RPS6KB1: variants seen among roughly 807,000 people sequenced by gnomAD.
RPS6KB1 encodes ribosomal protein S6 kinase beta-1.
RPS6KB1 carries 12 observed loss-of-function variants against 70.2 expected under a neutral mutation model. The observed-to-expected ratio is 0.17, with a 90% CI of 0.11 to 0.28. The LOEUF (loss-of-function observed/expected upper bound fraction) is 0.28. Ranked by LOEUF, RPS6KB1 falls within the 10% of genes least tolerant of loss-of-function variation. The probability of loss-of-function intolerance (pLI) is 1.00; values close to 1 mark genes in which losing one functional copy is unlikely to be tolerated. For missense variants in RPS6KB1, 270 were observed against 646.6 expected (o/e 0.42, Z 6.32); for synonymous variants, 175 against 211.2 (o/e 0.83, Z 1.49).
At chr17:59,900,221 CA>C (rs1568377471) in intron 1 of RPS6KB1, among the ~76,000 whole-genome samples, 120 of 139,552 alleles carry the variant, frequency 8.6e-4, no homozygotes, top group South Asian at 5.7e-3. Flanking sequence ...CACACACACA[CA>C]CACACACACC....
chr17:59,915,309 G>T (rs796346676), intron 4 of RPS6KB1, among the ~76,000 whole-genome samples: 2 of 151,838 alleles, frequency 1.3e-5, no homozygotes, highest in African/African-American at 4.8e-5. Flanking sequence ...TTCTAACACA[G>T]TTGCAATACT....
In RPS6KB1 at chr17:59,928,654, C is replaced by G. The variant is rs1157502148; in HGVS notation, c.530-1463C>G. ...TGTGAGCCATTGCACCCAGCCTATT[C>G]AGTGTATATTTTCTAAAATCAAGGA... On this transcript the variant is annotated intron_variant, in intron 5 of 14. Transcript: ENST00000225577. 2.0e-5 allele frequency among the ~76,000 whole-genome samples: 3 copies of G among 152,066 alleles called. No homozygotes were observed. The East Asian group carries it at 5.8e-4, about 29-fold the overall frequency.
chr17:59,893,749 G>T lies in RPS6KB1; in HGVS notation c.141+424G>T, dbSNP rs752919108. The stretch of plus-strand genomic sequence containing the variant: ...TAGAATTTCAAGTATTGAATCTTCA[G>T]ACCTCCCACAACCACCTCTCTTCTC... On this transcript the variant is annotated intron_variant, in intron 1 of 14. Transcript: ENST00000225577. This position sits in a 1 kb window ranked among gnomAD's most constrained non-coding sequence, Gnocchi z 4.1. 7 of 994,458 alleles carry T rather than the reference G, an allele frequency of 7.0e-6. No individual in the cohort carries two copies. Among genetic ancestry groups the T allele is most frequent in the Non-Finnish European group, 8.4e-6 (7 of 834,494 alleles). The allele number at this position is 994,458 out of a possible 1,614,324, so 61.6% of individuals were successfully genotyped here.
At chr17:59,917,991 T>TGGCGCAATCTTGGCTC (rs2043054410) in intron 4 of RPS6KB1, among the ~76,000 whole-genome samples, 1 of 152,218 alleles carries the variant, frequency 6.6e-6, no homozygotes, top group Admixed American at 6.5e-5. Context: ...TGGAGTGCAA[T>TGGCGCAATCTTGGCTC]GGCGCAATCT....
At position 59,934,309 on chromosome 17, in the gene RPS6KB1, A is replaced by C; in HGVS notation, c.779+49A>C. On this transcript the variant is annotated intron_variant, in intron 8 of 14. Coordinates refer to ENST00000225577, the MANE Select transcript of RPS6KB1 (RefSeq NM_003161.4). This position sits in a 1 kb window ranked among gnomAD's most constrained non-coding sequence, Gnocchi z 4.8. Reference sequence around the variant, plus strand: ...TGGTTTGGGGGTAATAGCTAATTTTACCTGTTTTAAGGAATAGTATCTGTT... The same window carrying C: ...TGGTTTGGGGGTAATAGCTAATTTTCCCTGTTTTAAGGAATAGTATCTGTT... 6.8e-7 allele frequency: 1 copy of C among 1,478,896 alleles called. No individual in the cohort carries two copies. The highest frequency in any genetic ancestry group is 9.5e-7 in the Non-Finnish European group (1 of 1,057,262). 91.6% of individuals were successfully genotyped at this position (1,478,896 alleles called of 1,614,324 possible). A position where few individuals can be genotyped will look rare whatever the true frequency, so the allele number is the denominator to read the frequency against.
At chr17:59,902,347 C>T (rs969948279) in intron 1 of RPS6KB1, among the ~76,000 whole-genome samples, 4 of 151,862 alleles carry the variant, frequency 2.6e-5, no homozygotes, top group Non-Finnish European at 5.9e-5. Flanking sequence ...TCAAGTGATC[C>T]GCCTGCCTTG....
intron 1 of RPS6KB1, among the ~76,000 whole-genome samples, chr17:59,894,831 C>G (rs1258686036): frequency 6.6e-6 from 1 of 152,022 alleles, no homozygotes; most frequent in Non-Finnish European, 1.5e-5. Context: ...TCTCGGACTC[C>G]TGACCTCAAA....
At position 59,935,306 on chromosome 17, in the gene RPS6KB1, G is replaced by T. The variant is rs2044163825; in HGVS notation, c.978+6G>T. 2 of 1,471,650 alleles carry T rather than the reference G, an allele frequency of 1.4e-6. No individual in the cohort carries two copies. The highest frequency in any genetic ancestry group is 1.9e-6 in the Non-Finnish European group (2 of 1,051,770). The allele number at this position is 1,471,650 out of a possible 1,614,324, so 91.2% of individuals were successfully genotyped here. A position where few individuals can be genotyped will look rare whatever the true frequency, so the allele number is the denominator to read the frequency against. ...CCAGAGATCTGCTTAAAAAGGTAAG[G>T]TTCTTAAATGGTCACTGACACTACA... On this transcript the variant is annotated splice_donor_region_variant and intron_variant, in intron 10 of 14. Transcript: ENST00000225577.
At position 59,904,068 on chromosome 17, in the gene RPS6KB1, G is replaced by GTATTTATTTATT. The variant is rs34220591; in HGVS notation, c.142-6476_142-6465dup. ...TTTATCTTTTTATTGTTGAGTTGGAGTATTTATTTATTTATTTATTTATTT... is the reference window on the plus strand; with the variant it reads ...TTTATCTTTTTATTGTTGAGTTGGAGTATTTATTTATTTATTTATTTATTTATTTATTTATTT... On this transcript the variant is annotated intron_variant, in intron 1 of 14. Transcript: ENST00000225577. 6.7e-3 allele frequency among the ~76,000 whole-genome samples: 1,002 copies of GTATTTATTTATT among 149,402 alleles called. 9 individuals carry two copies. The highest frequency in any genetic ancestry group is 0.019 in the South Asian group (89 of 4,644).
chr17:59,942,376 T>C (rs1249681605), intron 13 of RPS6KB1, among the ~76,000 whole-genome samples: 1 of 152,188 alleles, frequency 6.6e-6, no homozygotes, highest in African/African-American at 2.4e-5. Context: ...AAAGTAAAGG[T>C]TTTTGATGTT....
intron 1 of RPS6KB1, among the ~76,000 whole-genome samples, chr17:59,894,087 C>T (rs1462643294): frequency 6.6e-6 from 1 of 151,740 alleles, no homozygotes; most frequent in African/African-American, 2.4e-5. Flanking sequence ...AAACCAAAAA[C>T]CAGTTGACAG....
At chr17:59,900,171 A>AAAAC in intron 1 of RPS6KB1, among the ~76,000 whole-genome samples, 1 of 102,494 alleles carries the variant, frequency 9.8e-6, no homozygotes, top group Non-Finnish European at 2.0e-5. Context: ...CTAATTGCTA[A>AAAAC]ACACACACAC....
chr17:59,908,738 C>T (rs1255419446), intron 1 of RPS6KB1, among the ~76,000 whole-genome samples: 15 of 143,880 alleles, frequency 1.0e-4, no homozygotes, highest in African/African-American at 3.9e-4. Flanking sequence ...CCTGCCTCAG[C>T]CTCCCGAGTA....
chr17:59,943,313 C>G (rs2044723681), intron 13 of RPS6KB1, among the ~76,000 whole-genome samples: 2 of 151,992 alleles, frequency 1.3e-5, no homozygotes, highest in Admixed American at 1.3e-4. Flanking sequence ...GGAATTTATA[C>G]CTTTGATTTA....
At chr17:59,918,061 G>A (rs987041110) in intron 4 of RPS6KB1, among the ~76,000 whole-genome samples, 3 of 151,554 alleles carry the variant, frequency 2.0e-5, no homozygotes, top group Admixed American at 6.6e-5. Context: ...AGCCTCCCGA[G>A]TAGCTGGGAT....
Position 59,950,229 on chromosome 17 carries a change from C to T in RPS6KB1, c.*3441C>T, listed in dbSNP as rs144027445. The T allele has an allele frequency of 3.1e-3, 478 of 152,582 alleles. 2 individuals are homozygous for T. The highest frequency in any genetic ancestry group is 1.5e-3 in the Non-Finnish European group (104 of 67,922). The allele number at this position is 152,582 out of a possible 1,614,324, so 9.5% of individuals were successfully genotyped here. The stretch of plus-strand genomic sequence containing the variant: ...ATGGGTTCATCTATGTTTGTGTTTG[C>T]TCTTTAAACTATTGTTTCTCCTATC... On this transcript the variant is annotated 3_prime_UTR_variant, in exon 15 of 15. Coordinates refer to ENST00000225577, the MANE Select transcript of RPS6KB1 (RefSeq NM_003161.4).
At chr17:59,932,753 A>T (rs1254584020) in intron 7 of RPS6KB1, among the ~76,000 whole-genome samples, 4 of 151,974 alleles carry the variant, frequency 2.6e-5, no homozygotes, top group South Asian at 4.1e-4. Flanking sequence ...GGGTTTCATC[A>T]TGTTGCCCAG....
intron 10 of RPS6KB1, among the ~76,000 whole-genome samples, chr17:59,935,751 G>C (rs2044189762): frequency 6.6e-6 from 1 of 151,180 alleles, no homozygotes; most frequent in Non-Finnish European, 1.5e-5. Flanking sequence ...CTAAGTGCTG[G>C]GATTACAGAC....
chr17:59,941,117 T>C (rs897169217), intron 13 of RPS6KB1, among the ~76,000 whole-genome samples, 174 bp downstream of exon 13: 1 of 152,086 alleles, frequency 6.6e-6, no homozygotes, highest in Non-Finnish European at 1.5e-5. Flanking sequence ...AAATTTATTT[T>C]CATAATCCAA....
Sources: allele counts gnomAD v4.1 joint callset (sites outside exome capture counted in the v4.1 genomes callset), GRCh38; gene constraint gnomAD v4.1.1; non-coding constraint Gnocchi (gnomAD v3.1); transcripts MANE v1.5; gene names NCBI Gene and HGNC (gene_info 2026-07-23, HGNC 2026-07-21).